The following GPM6A variants were observed in gnomAD, a reference collection of about 807,000 sequenced individuals.
GPM6A encodes glycoprotein M6A, also known as neuronal membrane glycoprotein M6-a.
GPM6A carries 7 observed loss-of-function variants against 32.1 expected under a neutral mutation model. The ratio of observed to expected loss-of-function variants is 0.22; its 90% CI spans 0.12 to 0.41. The LOEUF (loss-of-function observed/expected upper bound fraction) is 0.41, where lower values mean the gene tolerates loss of function less well. Among genes scored for constraint, GPM6A ranks in the 10% least tolerant of loss-of-function variants. GPM6A has a pLI of 1.00. For synonymous variants in GPM6A, 130 were observed against 123.4 expected, an observed-to-expected ratio of 1.05 and a Z score of -0.35; for missense variants, 235 against 347.2, an observed-to-expected ratio of 0.68 and a Z score of 2.57.
chr4:175,648,592 G>A (rs557388522), intron 4 of GPM6A, among the ~76,000 whole-genome samples: 1 of 152,242 alleles, frequency 6.6e-6, no homozygotes, highest in African/African-American at 2.4e-5. Context: ...TTACAGTTCT[G>A]GAAGACAAAG....
chr4:175,762,844 A>C (rs1732803904), intron 1 of GPM6A, among the ~76,000 whole-genome samples: 1 of 152,148 alleles, frequency 6.6e-6, no homozygotes, highest in South Asian at 2.1e-4. Context: ...AAAATGGATT[A>C]AAGTAGATGC....
intron 1 of GPM6A, among the ~76,000 whole-genome samples, chr4:175,717,368 G>C (rs1302099052): frequency 1.3e-5 from 2 of 152,092 alleles, no homozygotes; most frequent in African/African-American, 4.8e-5. Flanking sequence ...GTATTCATTG[G>C]TGGTCATGTA....
chr4:175,989,911 C>G (rs1415105817), intron 1 of GPM6A, among the ~76,000 whole-genome samples: 1 of 152,130 alleles, frequency 6.6e-6, no homozygotes, highest in Non-Finnish European at 1.5e-5. Flanking sequence ...TAGCTTCCAA[C>G]GAAGGCCATG....
intron 1 of GPM6A, among the ~76,000 whole-genome samples, chr4:175,849,379 G>A (rs1163941139): frequency 6.6e-6 from 1 of 152,186 alleles, no homozygotes; most frequent in South Asian, 2.1e-4. Context: ...TACCTTTGGC[G>A]AATGCAGTAT....
At chr4:175,891,705 A>C in intron 1 of GPM6A, 1 of 152,354 alleles carries the variant, frequency 6.6e-6, no homozygotes, top group Admixed American at 6.5e-5. Flanking sequence ...AAGAGAGAAA[A>C]GAAGGTGGTG....
intron 1 of GPM6A, among the ~76,000 whole-genome samples, chr4:175,857,712 C>G (rs1375583850): frequency 1.3e-5 from 2 of 151,628 alleles, no homozygotes; most frequent in Non-Finnish European, 2.9e-5. Context: ...GAAACTCTCT[C>G]AAGCTGATAA....
chr4:175,779,461 A>G (rs559913197), intron 1 of GPM6A, among the ~76,000 whole-genome samples: 1 of 152,280 alleles, frequency 6.6e-6, no homozygotes, highest in East Asian at 1.9e-4. Flanking sequence ...AGTGTAATGA[A>G]TAGCATTCAT....
chr4:175,842,755 A>T (rs1735979428), intron 1 of GPM6A, among the ~76,000 whole-genome samples: 1 of 152,074 alleles, frequency 6.6e-6, no homozygotes, highest in African/African-American at 2.4e-5. Context: ...TTCCATGGCC[A>T]TCTTTTTTCT....
At chr4:175,962,850 A>G (rs1459890890) in intron 1 of GPM6A, among the ~76,000 whole-genome samples, 1 of 152,246 alleles carries the variant, frequency 6.6e-6, no homozygotes, top group Non-Finnish European at 1.5e-5. Flanking sequence ...AGACTCAGAT[A>G]TGGTTGAGAT....
chr4:175,866,830 G>C (rs1321787265), intron 1 of GPM6A, among the ~76,000 whole-genome samples: 1 of 152,162 alleles, frequency 6.6e-6, no homozygotes, highest in Non-Finnish European at 1.5e-5. Context: ...ACTTTTGTAA[G>C]AAACCACCAA....
intron 1 of GPM6A, among the ~76,000 whole-genome samples, chr4:175,768,563 A>C (rs1733063449): frequency 6.6e-6 from 1 of 152,130 alleles, no homozygotes; most frequent in African/African-American, 2.4e-5. Flanking sequence ...TAACTCAAGC[A>C]AGATGAGGAG....
intron 3 of GPM6A, among the ~76,000 whole-genome samples, chr4:175,670,864 T>TTG (rs1359695232): frequency 1.4e-5 from 2 of 147,608 alleles, no homozygotes; most frequent in Non-Finnish European, 3.0e-5. Flanking sequence ...TTGCTTCATT[T>TTG]TTTTTTTTTT....
chr4:175,984,241 C>T (rs926034627), intron 1 of GPM6A, among the ~76,000 whole-genome samples: 1 of 152,184 alleles, frequency 6.6e-6, no homozygotes, highest in Non-Finnish European at 1.5e-5. Context: ...CAGCTCACTG[C>T]AACCTCTGCC....
chr4:175,775,371 T>C (rs1046407886), intron 1 of GPM6A, among the ~76,000 whole-genome samples: 1 of 152,116 alleles, frequency 6.6e-6, no homozygotes, highest in Non-Finnish European at 1.5e-5. Context: ...GTTTTGAAGA[T>C]ATAAAAAGAA....
Position 175,738,000 on chromosome 4 carries a change from C to A in GPM6A, c.38-36233G>T, listed in dbSNP as rs574477708. The stretch of plus-strand genomic sequence containing the variant: ...TTGCCCAGGCTGGAGTGCAATGGTG[C>A]AATCTCAGCTCACTGCAACCTCCAC... On this transcript the variant is annotated intron_variant, in intron 1 of 6. Coordinates refer to ENST00000393658, the MANE Select transcript of GPM6A (RefSeq NM_201591.3). Among the ~76,000 whole-genome samples the A allele has an allele frequency of 7.3e-5, 11 of 150,236 alleles. No homozygotes were observed. The South Asian group carries it at 2.3e-3, about 32-fold the overall frequency.
At position 175,673,582 on chromosome 4, in the gene GPM6A, GA is replaced by G. The variant is rs201536295; in HGVS notation, c.387+97del. The G allele has an allele frequency of 3.8e-3, 3,027 of 797,306 alleles. 19 individuals are homozygous for G. The highest frequency in any genetic ancestry group is 0.03 in the African/African-American group (1,728 of 58,358). 49.4% of individuals were successfully genotyped at this position (797,306 alleles called of 1,614,324 possible). A position where few individuals can be genotyped will look rare whatever the true frequency, so the allele number is the denominator to read the frequency against. ...ATCACAGAAGGAAACGTTACTGTGT[GA>G]AAAAAAAATACTTTAATTCTTGGGA... On this transcript the variant is annotated intron_variant, in intron 3 of 6. Transcript: ENST00000393658.
chr4:175,989,668 G>A (rs1741078605), intron 1 of GPM6A, among the ~76,000 whole-genome samples: 1 of 152,094 alleles, frequency 6.6e-6, no homozygotes, highest in Admixed American at 6.6e-5. Context: ...TTTGATCAGT[G>A]TAATAGTCCA....
At chr4:175,813,784 C>T (rs932966156), upstream of GPM6A, among the ~76,000 whole-genome samples, 1 of 152,208 alleles carries the variant, frequency 6.6e-6, no homozygotes, top group Admixed American at 6.5e-5. Flanking sequence ...AACACAATTA[C>T]TGCATTCCAC....
At chr4:175,673,402 G>T (rs536100142) in intron 3 of GPM6A, among the ~76,000 whole-genome samples, 1 of 150,894 alleles carries the variant, frequency 6.6e-6, no homozygotes, top group Non-Finnish European at 1.5e-5. Flanking sequence ...GAATCACAGA[G>T]CCCTTTGGAA....
Sources: gnomAD v4.1 joint callset for allele counts (sites outside exome capture counted in the v4.1 genomes callset) on GRCh38, gnomAD v4.1.1 for gene constraint, MANE v1.5 for transcripts, NCBI Gene and HGNC (gene_info 2026-07-23, HGNC 2026-07-21) for gene names.